The following IPO7 variants were observed in gnomAD, a reference collection of about 807,000 sequenced individuals.
IPO7 encodes importin 7.
In IPO7, 13 loss-of-function variants were observed where a neutral mutation model predicts 136.4. The observed-to-expected ratio is 0.10, with a 90% confidence interval of 0.06 to 0.15. IPO7 has a LOEUF of 0.15. Ranked by LOEUF, IPO7 falls within the 10% of genes least tolerant of loss-of-function variation. IPO7 has a pLI of 1.00. For synonymous variants in IPO7, 403 were observed against 404.4 expected (o/e 1.00, Z 0.04); for missense variants, 857 against 1,240.6 (o/e 0.69, Z 4.65).
chr11:9,393,668 C>T (rs2133720676), intron 1 of IPO7, among the ~76,000 whole-genome samples: 1 of 152,176 alleles, frequency 6.6e-6, no homozygotes, highest in African/African-American at 2.4e-5. Context: ...CAGGCGTGAG[C>T]CACCACACCA....
At chr11:9,417,788 C>G (rs908961616) in intron 6 of IPO7, among the ~76,000 whole-genome samples, 2 of 151,282 alleles carry the variant, frequency 1.3e-5, no homozygotes, top group East Asian at 3.9e-4. Context: ...TCTCGGCTCA[C>G]TGCAACCTCC....
chr11:9,417,999 C>T (rs1855066170), intron 6 of IPO7, among the ~76,000 whole-genome samples: 1 of 151,812 alleles, frequency 6.6e-6, no homozygotes, highest in African/African-American at 2.4e-5. Flanking sequence ...AGGCGTGAGC[C>T]ACTGTGCCCG....
chr11:9,443,559 C>G (rs540318344), intron 24 of IPO7, among the ~76,000 whole-genome samples: 3 of 148,784 alleles, frequency 2.0e-5, no homozygotes, highest in Non-Finnish European at 4.4e-5. Context: ...CCATTGCACT[C>G]CAGCCTGGGC....
Position 9,384,706 on chromosome 11 carries a change from G to A in IPO7, c.-58G>A, listed in dbSNP as rs1011217403. On this transcript the variant is annotated 5_prime_UTR_variant, in exon 1 of 25. Transcript: ENST00000379719. The stretch of plus-strand genomic sequence containing the variant: ...CGGCGGGTCCATGTGCGCAGTGAGT[G>A]GCGCTATTCCTGGCCCAGTAGCACC... 24 of 1,411,444 alleles carry A rather than the reference G, an allele frequency of 1.7e-5. No individual in the cohort carries two copies. The highest frequency in any genetic ancestry group is 2.3e-5 in the Non-Finnish European group (24 of 1,027,542). 87.4% of individuals were successfully genotyped at this position (1,411,444 alleles called of 1,614,324 possible).
intron 2 of IPO7, among the ~76,000 whole-genome samples, chr11:9,406,858 A>G (rs1403597532): frequency 6.6e-6 from 1 of 152,152 alleles, no homozygotes; most frequent in African/African-American, 2.4e-5. Context: ...TGGGAAACAG[A>G]GTGAGACCCT....
intron 22 of IPO7, among the ~76,000 whole-genome samples, chr11:9,439,620 C>T (rs1388866812): frequency 6.6e-6 from 1 of 151,490 alleles, no homozygotes; most frequent in Non-Finnish European, 1.5e-5. Context: ...GTTCTGTCGC[C>T]AAGCTGGAGT....
intron 2 of IPO7, among the ~76,000 whole-genome samples, chr11:9,406,881 A>G (rs1242865212): frequency 6.6e-6 from 1 of 151,712 alleles, no homozygotes; most frequent in Non-Finnish European, 1.5e-5. Context: ...CTCAAAAAAG[A>G]AAAAAAAATT....
At chr11:9,423,750 ATTG>A in intron 9 of IPO7, 24 bp from the exon 10 acceptor site, 1 of 1,390,974 alleles carries the variant, frequency 7.2e-7, no homozygotes, top group Non-Finnish European at 1.0e-6. Flanking sequence ...ACTGATGGTT[ATTG>A]TTTTCTTAAC....
chr11:9,423,519 T>C (rs1354810730), intron 9 of IPO7, among the ~76,000 whole-genome samples: 1 of 152,168 alleles, frequency 6.6e-6, no homozygotes, highest in Non-Finnish European at 1.5e-5. Context: ...TTTAGAGCTG[T>C]AGAATTTTAT....
chr11:9,386,064 C>T (rs1854548214), intron 1 of IPO7, among the ~76,000 whole-genome samples: 1 of 152,190 alleles, frequency 6.6e-6, no homozygotes, highest in African/African-American at 2.4e-5. Context: ...TTTATATTGA[C>T]TTACCAGAAA....
chr11:9,420,164 A>G, intron 6 of IPO7: 1 of 401,408 alleles, frequency 2.5e-6, no homozygotes, highest in Non-Finnish European at 4.4e-6. Context: ...ATACAAAAAT[A>G]AAATTAGCTG....
At chr11:9,432,498 C>T (rs368036701) in intron 16 of IPO7, among the ~76,000 whole-genome samples, 7 of 152,074 alleles carry the variant, frequency 4.6e-5, no homozygotes, top group Non-Finnish European at 1.0e-4. Context: ...ACCACGCCAG[C>T]CACGTAAACT....
At chr11:9,385,054 G>T (rs933317833) in intron 1 of IPO7, among the ~76,000 whole-genome samples, 1 of 152,162 alleles carries the variant, frequency 6.6e-6, no homozygotes, top group Admixed American at 6.5e-5. Context: ...CTTTGCTTCG[G>T]ATCCTGAGCT....
intron 1 of IPO7, among the ~76,000 whole-genome samples, chr11:9,402,138 G>A (rs371818194): frequency 4.6e-5 from 7 of 152,064 alleles, no homozygotes; most frequent in Admixed American, 6.6e-5. Context: ...ATGGTGCCTC[G>A]TGCCTGTAAT....
chr11:9,403,471 T>TC (rs917542106), intron 2 of IPO7, 100 bp downstream of exon 2: 5 of 812,668 alleles, frequency 6.2e-6, no homozygotes, highest in Non-Finnish European at 8.0e-6. Context: ...GGCAATTTTT[T>TC]CCCCCCAGGT....
chr11:9,420,318 T>G, intron 6 of IPO7, 93 bp from the exon 7 acceptor site: 1 of 777,454 alleles, frequency 1.3e-6, no homozygotes, highest in South Asian at 1.7e-5. Context: ...CCAGCATTAG[T>G]GAAGCATTCA....
At chr11:9,438,054 T>G (rs984755706) in intron 21 of IPO7, 26 bp from the exon 22 acceptor site, 51 of 479,694 alleles carry the variant, frequency 1.1e-4, no homozygotes, top group East Asian at 6.8e-4. Flanking sequence ...AGTTTTTTTT[T>G]TTTTTTTTTT....
intron 1 of IPO7, among the ~76,000 whole-genome samples, chr11:9,390,171 C>G (rs1273381491): frequency 1.3e-5 from 2 of 152,118 alleles, no homozygotes; most frequent in African/African-American, 4.8e-5. Context: ...GATTACAGGC[C>G]TGAGCCACCG....
At chr11:9,433,368 G>C (rs537487118) in intron 16 of IPO7, 1 of 520,572 alleles carries the variant, frequency 1.9e-6, no homozygotes, top group African/African-American at 1.9e-5. Flanking sequence ...GCCATTCCTT[G>C]TGTTTTTCTC....
Sources: gnomAD v4.1 joint callset for allele counts (sites outside exome capture counted in the v4.1 genomes callset) on GRCh38, gnomAD v4.1.1 for gene constraint, MANE v1.5 for transcripts, NCBI Gene and HGNC (gene_info 2026-07-23, HGNC 2026-07-21) for gene names.